RP1: variants seen among roughly 807,000 people sequenced by gnomAD.
The protein encoded by RP1 is oxygen-regulated protein 1.
A neutral mutation model predicts 14.8 loss-of-function variants in RP1; 16 were observed. That is an observed-to-expected ratio of 1.08 (90% confidence interval 0.73 to 1.65). The LOEUF (loss-of-function observed/expected upper bound fraction) is 1.65. Ranked by LOEUF, RP1 falls within the 40% of genes most tolerant of loss-of-function variation. The pLI, the probability that RP1 is intolerant of heterozygous loss-of-function variation, is 0.00. For missense variants in RP1, 2,631 were observed against 2,535.0 expected, an observed-to-expected ratio of 1.04 and a Z score of -0.81; for synonymous variants, 876 against 883.6, an observed-to-expected ratio of 0.99 and a Z score of 0.15.
At chr8:54,679,653 T>C (rs765370086) in intron 11 of RP1, 1 of 1,534,900 alleles carries the variant, frequency 6.5e-7, no homozygotes, top group Admixed American at 2.0e-5. Context: ...GGCTTTAGAT[T>C]ATCTCATATA....
chr8:54,751,640 C>A (rs1809373579), intron 19 of RP1, among the ~76,000 whole-genome samples: 2 of 152,170 alleles, frequency 1.3e-5, no homozygotes. Context: ...TCTTTTAATT[C>A]AAATCCATGT....
chr8:54,601,598 G>GAA (rs1296926931), intron 1 of RP1, among the ~76,000 whole-genome samples: 22 of 93,670 alleles, frequency 2.3e-4, no homozygotes, highest in African/African-American at 6.7e-4. Context: ...AAAAAACTTA[G>GAA]AAAAAAAAAA....
chr8:54,863,715 A>G (rs1258275434), intron 27 of RP1, among the ~76,000 whole-genome samples: 3 of 152,226 alleles, frequency 2.0e-5, no homozygotes, highest in Non-Finnish European at 2.9e-5. Flanking sequence ...GCAATGATTT[A>G]TTTAACACAA....
At chr8:54,566,677 G>A (rs1804414940) in intron 1 of RP1, among the ~76,000 whole-genome samples, 1 of 152,176 alleles carries the variant, frequency 6.6e-6, no homozygotes, top group South Asian at 2.1e-4. Context: ...TTTGTAACCT[G>A]AGGCTGGCCA....
At chr8:54,845,240 T>C (rs1811886836) in intron 25 of RP1, among the ~76,000 whole-genome samples, 1 of 152,070 alleles carries the variant, frequency 6.6e-6, no homozygotes, top group Admixed American at 6.5e-5. Flanking sequence ...CCTGGGAAGG[T>C]GGCCTAGAAA....
chr8:54,646,291 T>C (rs1320192599), intron 3 of RP1, among the ~76,000 whole-genome samples: 2 of 151,960 alleles, frequency 1.3e-5, no homozygotes, highest in Non-Finnish European at 2.9e-5. Context: ...ACTCTCTCCT[T>C]CTCCTCCCCC....
In RP1 at chr8:54,670,674, TA is replaced by T. The variant is rs1554522907; in HGVS notation, c.1324-3175del. ...TTTATGAATAATATATATGTTTTTA[TA>T]TATATATATATATATATATATATAT... is the stretch of plus-strand genomic sequence containing the variant. On this transcript the variant is annotated intron_variant, in intron 7 of 22. Transcript: ENST00000636932. Among the ~76,000 whole-genome samples, 26 of 13,456 alleles carry T rather than the reference TA, an allele frequency of 1.9e-3. 2 individuals are homozygous for T. The highest frequency in any genetic ancestry group is 3.9e-3 in the African/African-American group (24 of 6,142). The allele number at this position is 13,456 out of a possible 152,430, so 8.8% of individuals were successfully genotyped here. A position where few individuals can be genotyped will look rare whatever the true frequency, so the allele number is the denominator to read the frequency against.
At chr8:54,595,423 C>T (rs1805120741) in intron 1 of RP1, among the ~76,000 whole-genome samples, 1 of 152,206 alleles carries the variant, frequency 6.6e-6, no homozygotes, top group Non-Finnish European at 1.5e-5. Context: ...GACACCACGC[C>T]TGGCCCCCTC....
At chr8:54,869,932 C>A in exon 29 of RP1, 5 of 1,229,888 alleles carry the variant, frequency 4.1e-6, no homozygotes, top group Non-Finnish European at 5.1e-6. Context: ...ACTGGGTCTA[C>A]CATCTCCTGA....
intron 25 of RP1, among the ~76,000 whole-genome samples, chr8:54,841,788 C>G (rs1457249225): frequency 6.6e-6 from 1 of 152,120 alleles, no homozygotes; most frequent in Non-Finnish European, 1.5e-5. Context: ...TGACTCAGCT[C>G]GAGGCGGCCT....
intron 15 of RP1, among the ~76,000 whole-genome samples, chr8:54,716,167 A>G (rs1008426778): frequency 2.6e-5 from 4 of 152,186 alleles, no homozygotes; most frequent in Non-Finnish European, 5.9e-5. Context: ...CGAGATTACT[A>G]TAATGAAACA....
At chr8:54,619,933 C>T (rs909565969) in intron 1 of RP1, among the ~76,000 whole-genome samples, 1 of 152,140 alleles carries the variant, frequency 6.6e-6, no homozygotes, top group Admixed American at 6.5e-5. Context: ...AAAAACATTT[C>T]CTGTTTCTCC....
At chr8:54,706,446 G>T in exon 15 of RP1, 2 of 1,535,748 alleles carry the variant, frequency 1.3e-6, no homozygotes, top group East Asian at 2.4e-5. Flanking sequence ...TCTGAAGGGG[G>T]TGTTCCTCAA....
Position 54,626,364 on chromosome 8 carries a change from C to T in RP1, c.2482C>T (p.Gln828Ter). The change falls in exon 4 of 4, where the codon CAA (glutamine) becomes TAA (stop). Residue 828 changes from glutamine (Q) to a stop codon, truncating the protein, a stop_gained. Transcript: ENST00000220676. LOFTEE classifies it low-confidence loss of function (END_TRUNC). ...SLFHVFNILE[Q>*]KPKDFYAPQS... ...ATTTCATGTATTTAACATCCTTGAG[C>T]AAAAACCCAAAGATTTTTATGCACC... is the stretch of plus-strand genomic sequence containing the variant. The T allele has an allele frequency of 1.2e-6, 2 of 1,613,340 alleles. No individual in the cohort carries two copies. The highest frequency in any genetic ancestry group is 1.3e-5 in the African/African-American group (1 of 74,874).
rs375605125 is a variant in RP1 at position 54,749,937 on chromosome 8, G to C, written c.2809-4866G>C. ...TGACTGATGGGCTAGAGAATTCATG[G>C]AGGGGCCCAGGAGAGAGGAAGCAGG... On this transcript the variant is annotated intron_variant, in intron 19 of 22. Transcript: ENST00000636932. Among the ~76,000 whole-genome samples the C allele has an allele frequency of 4.0e-4, 61 of 152,034 alleles. 1 individual carries two copies. The South Asian group carries it at 0.01, about 26-fold the overall frequency.
chr8:54,744,864 A>T (rs1291307782), intron 19 of RP1, among the ~76,000 whole-genome samples: 1 of 152,174 alleles, frequency 6.6e-6, no homozygotes, highest in Non-Finnish European at 1.5e-5. Context: ...TGCTAGTCAA[A>T]TTAACTTTAT....
At chr8:54,671,106 T>C (rs966204202) in intron 7 of RP1, among the ~76,000 whole-genome samples, 4 of 152,114 alleles carry the variant, frequency 2.6e-5, no homozygotes, top group Non-Finnish European at 5.9e-5. Context: ...TTTTGCCTGA[T>C]GTAGAATTTT....
intron 8 of RP1, among the ~76,000 whole-genome samples, chr8:54,676,235 GACA>G (rs1438410449): frequency 2.0e-5 from 3 of 152,210 alleles, no homozygotes; most frequent in African/African-American, 4.8e-5. Context: ...GGAAGGGACA[GACA>G]ACAAGTTATG....
In RP1 at chr8:54,863,044, GATATATATATATATAT is replaced by G. The variant is rs61233765; in HGVS notation, c.4070-2772_4070-2757del. ...CTCTACCCCCAGAGTATTCCAAATG[GATATATATATATATAT>G]ATATATATATATATATATGCAGAAT... On this transcript the variant is annotated intron_variant, in intron 27 of 28. Transcript: ENST00000637698. Among the ~76,000 whole-genome samples, 26 of 101,846 alleles carry G rather than the reference GATATATATATATATAT, an allele frequency of 2.6e-4. 2 individuals are homozygous for G. The highest frequency in any genetic ancestry group is 1.5e-3 in the South Asian group (4 of 2,598). 66.8% of individuals were successfully genotyped at this position (101,846 alleles called of 152,430 possible).
Sources: allele counts gnomAD v4.1 joint callset (sites outside exome capture counted in the v4.1 genomes callset), GRCh38; gene constraint gnomAD v4.1.1; transcripts MANE v1.5; gene names NCBI Gene and HGNC (gene_info 2026-07-23, HGNC 2026-07-21).